NKAIN2: variants seen among roughly 807,000 people sequenced by gnomAD.
NKAIN2 encodes the protein sodium/potassium-transporting ATPase subunit beta-1-interacting protein 2.
Under a neutral mutation model 32.6 loss-of-function variants are expected in NKAIN2, and 14 were observed. That is an observed-to-expected ratio of 0.43 (90% confidence interval 0.28 to 0.67). The LOEUF (loss-of-function observed/expected upper bound fraction) is 0.67. Ranked by LOEUF, NKAIN2 falls within the 30% of genes least tolerant of loss-of-function variation. The probability of loss-of-function intolerance (pLI) is 0.17; values close to 1 mark genes in which losing one functional copy is unlikely to be tolerated. For missense variants in NKAIN2, 198 were observed against 258.3 expected (o/e 0.77, Z 1.60); for synonymous variants, 80 against 87.2 (o/e 0.92, Z 0.46).
intron 1 of NKAIN2, among the ~76,000 whole-genome samples, chr6:124,145,263 A>G (rs901459997): frequency 6.6e-6 from 1 of 152,172 alleles, no homozygotes; most frequent in Non-Finnish European, 1.5e-5. Context: ...CCCAACAATT[A>G]TCCTCTTAGA....
chr6:124,162,536 C>G (rs1330095871), intron 1 of NKAIN2, among the ~76,000 whole-genome samples: 1 of 152,070 alleles, frequency 6.6e-6, no homozygotes, highest in Non-Finnish European at 1.5e-5. Context: ...TGGATGACAG[C>G]TGTAAATAAT....
intron 3 of NKAIN2, among the ~76,000 whole-genome samples, chr6:124,559,097 C>G (rs1351181000): frequency 6.6e-6 from 1 of 152,140 alleles, no homozygotes; most frequent in Non-Finnish European, 1.5e-5. Flanking sequence ...CTGTTTACTC[C>G]TCGTATTCTA....
intron 2 of NKAIN2, among the ~76,000 whole-genome samples, chr6:124,295,410 T>C (rs1436271782): frequency 6.6e-6 from 1 of 152,154 alleles, no homozygotes; most frequent in Non-Finnish European, 1.5e-5. Flanking sequence ...CATAGTGTTG[T>C]TTAGCTGACA....
At chr6:124,622,627 C>T (rs1230099030) in intron 3 of NKAIN2, among the ~76,000 whole-genome samples, 1 of 152,090 alleles carries the variant, frequency 6.6e-6, no homozygotes, top group East Asian at 1.9e-4. Context: ...CACATTCGGG[C>T]TTAAAGGATG....
chr6:124,700,319 C>T, intron 4 of NKAIN2, among the ~76,000 whole-genome samples: 1 of 152,108 alleles, frequency 6.6e-6, no homozygotes, highest in East Asian at 1.9e-4. Flanking sequence ...AAATACACTT[C>T]CCTCTGAATT....
intron 2 of NKAIN2, among the ~76,000 whole-genome samples, chr6:124,323,557 C>T (rs1329544891): frequency 1.3e-5 from 2 of 151,928 alleles, no homozygotes; most frequent in Non-Finnish European, 2.9e-5. Context: ...CTACTCTTTC[C>T]CCCCACTTAA....
chr6:123,982,294 A>G (rs1176077075), intron 1 of NKAIN2, among the ~76,000 whole-genome samples: 1 of 152,232 alleles, frequency 6.6e-6, no homozygotes, highest in Admixed American at 6.5e-5. Flanking sequence ...GAATACTATA[A>G]TAGACTTAAC....
chr6:124,380,138 G>A (rs754255076), intron 3 of NKAIN2, among the ~76,000 whole-genome samples: 1 of 152,108 alleles, frequency 6.6e-6, no homozygotes, highest in Non-Finnish European at 1.5e-5. Flanking sequence ...GGCAGCCACC[G>A]CAGCCACACT....
chr6:124,338,049 T>A (rs1797954214), intron 2 of NKAIN2, among the ~76,000 whole-genome samples: 1 of 152,194 alleles, frequency 6.6e-6, no homozygotes, highest in African/African-American at 2.4e-5. Flanking sequence ...TGGTTAATAA[T>A]GCTTCTGTTT....
chr6:124,228,613 C>A (rs559820275), intron 1 of NKAIN2, among the ~76,000 whole-genome samples: 2 of 152,182 alleles, frequency 1.3e-5, no homozygotes, highest in Non-Finnish European at 2.9e-5. Context: ...TTAAACTAAC[C>A]ATTGTCCATG....
chr6:124,321,786 T>C (rs1271681935), intron 2 of NKAIN2, among the ~76,000 whole-genome samples: 1 of 152,166 alleles, frequency 6.6e-6, no homozygotes, highest in Non-Finnish European at 1.5e-5. Context: ...GTGCAGCCAT[T>C]TAGAGGCAAT....
At chr6:124,664,582 C>T (rs1269349692) in intron 4 of NKAIN2, among the ~76,000 whole-genome samples, 2 of 150,806 alleles carry the variant, frequency 1.3e-5, no homozygotes, top group East Asian at 2.0e-4. Context: ...ATCACGAGGT[C>T]AGGAGATCGA....
chr6:124,600,389 A>G (rs1782261095), intron 3 of NKAIN2, among the ~76,000 whole-genome samples: 1 of 152,050 alleles, frequency 6.6e-6, no homozygotes, highest in Non-Finnish European at 1.5e-5. Context: ...CCTAAATTTT[A>G]TTTTTACAAA....
At chr6:124,518,619 G>T (rs1779011814) in intron 3 of NKAIN2, among the ~76,000 whole-genome samples, 2 of 152,162 alleles carry the variant, frequency 1.3e-5, no homozygotes, top group Admixed American at 1.3e-4. Flanking sequence ...GCCATGATAG[G>T]TCTACCCCCA....
At chr6:124,391,691 A>C (rs184426336) in intron 3 of NKAIN2, among the ~76,000 whole-genome samples, 1 of 152,278 alleles carries the variant, frequency 6.6e-6, no homozygotes, top group Admixed American at 6.5e-5. Flanking sequence ...CAGAGTTCTC[A>C]GTTTCAACTC....
chr6:124,422,804 G>T (rs1426190949), intron 3 of NKAIN2, among the ~76,000 whole-genome samples: 1 of 152,154 alleles, frequency 6.6e-6, no homozygotes, highest in Non-Finnish European at 1.5e-5. Context: ...GTCTTTTAAG[G>T]TTCAGTGAAA....
chr6:124,504,863 A>G lies in NKAIN2; in HGVS notation c.273+149516A>G, dbSNP rs1376490678. Among the ~76,000 whole-genome samples the G allele has an allele frequency of 3.9e-5, 6 of 152,336 alleles. No homozygotes were observed. The East Asian group carries it at 7.7e-4, about 20-fold the overall frequency. On this transcript the variant is annotated intron_variant, in intron 3 of 6. Coordinates refer to ENST00000368417, the MANE Select transcript of NKAIN2 (RefSeq NM_001040214.3). Reference sequence around the variant, plus strand: ...GTTTATTCTAGAAAGTATGAACTAAATGGTCATCCATAGTTTAACATTAGA... The same window carrying G: ...GTTTATTCTAGAAAGTATGAACTAAGTGGTCATCCATAGTTTAACATTAGA...
chr6:124,514,140 A>C (rs1778818223), intron 3 of NKAIN2, among the ~76,000 whole-genome samples: 1 of 152,198 alleles, frequency 6.6e-6, no homozygotes, highest in South Asian at 2.1e-4. Context: ...CAAAACTGGC[A>C]TGGGAGATGA....
intron 1 of NKAIN2, among the ~76,000 whole-genome samples, chr6:124,097,668 C>T (rs1784702658): frequency 6.6e-6 from 1 of 152,164 alleles, no homozygotes; most frequent in South Asian, 2.1e-4. Context: ...GGTCAGCAGC[C>T]TGGCTAAACT....
Sources: gnomAD v4.1 joint callset for allele counts (sites outside exome capture counted in the v4.1 genomes callset) on GRCh38, gnomAD v4.1.1 for gene constraint, MANE v1.5 for transcripts, NCBI Gene and HGNC (gene_info 2026-07-23, HGNC 2026-07-21) for gene names.